The following ADGRG5 variants were observed in gnomAD, a reference collection of about 807,000 sequenced individuals.
ADGRG5 encodes the protein G protein-coupled receptor 114.
A neutral mutation model predicts 53.2 loss-of-function variants in ADGRG5; 37 were observed. The observed-to-expected ratio is 0.70, with a 90% CI of 0.53 to 0.91. ADGRG5 has a LOEUF of 0.91. ADGRG5 is among the 40% of genes least tolerant of loss of function. The probability of loss-of-function intolerance (pLI) is 0.00; values close to 1 mark genes in which losing one functional copy is unlikely to be tolerated. For missense variants in ADGRG5, 614 were observed against 675.8 expected, an observed-to-expected ratio of 0.91 and a Z score of 1.01; for synonymous variants, 277 against 290.4, an observed-to-expected ratio of 0.95 and a Z score of 0.47.
intron 11 of ADGRG5, 131 bp downstream of exon 11, chr16:57,575,223 C>A: frequency 9.0e-7 from 1 of 1,106,984 alleles, no homozygotes. Context: ...GCTCCACTAG[C>A]TAAGCTGGTG....
intron 1 of ADGRG5, among the ~76,000 whole-genome samples, chr16:57,561,116 T>C (rs1427983859): frequency 1.3e-5 from 2 of 152,204 alleles, no homozygotes; most frequent in Admixed American, 1.3e-4. Context: ...TCATCCCCTC[T>C]TCAGAGGTTA....
chr16:57,536,630 AG>A, the ADGRG5 span: 1 of 151,356 alleles, frequency 6.6e-6, no homozygotes, highest in South Asian at 2.1e-4. Context: ...TCCCGGGGGG[AG>A]GGGAAGCAGG....
chr16:57,565,354 C>T, intron 6 of ADGRG5: 1 of 585,144 alleles, frequency 1.7e-6, no homozygotes, highest in East Asian at 2.8e-5. Flanking sequence ...TAAGAAAAGA[C>T]CACTTCAAGC....
chr16:57,562,019 C>T (rs1449645451), intron 1 of ADGRG5, 37 bp from the exon 2 acceptor site: 5 of 1,297,998 alleles, frequency 3.9e-6, no homozygotes, highest in Non-Finnish European at 4.2e-6. Context: ...AGAGGTTGCT[C>T]TTTTATCATC....
chr16:57,565,006 C>A (rs569756764), intron 5 of ADGRG5, 28 bp from the exon 6 acceptor site: 16 of 1,416,460 alleles, frequency 1.1e-5, no homozygotes, highest in Admixed American at 1.7e-5. Context: ...TTCCCCTCCA[C>A]TCAGCCCTTC....
chr16:57,535,556 C>G, the ADGRG5 span, among the ~76,000 whole-genome samples: 1 of 152,116 alleles, frequency 6.6e-6, no homozygotes, highest in Non-Finnish European at 1.5e-5. Flanking sequence ...ACGATGGGGT[C>G]TGCAGGCACC....
At position 57,575,779 on chromosome 16, in the gene ADGRG5, G is replaced by A. The variant is rs867406311; in HGVS notation, c.*241G>A. 8 of 502,830 alleles carry A rather than the reference G, an allele frequency of 1.6e-5. No individual in the cohort carries two copies. The highest frequency in any genetic ancestry group is 9.6e-5 in the African/African-American group (5 of 51,906). 31.1% of individuals were successfully genotyped at this position (502,830 alleles called of 1,614,324 possible). A position where few individuals can be genotyped will look rare whatever the true frequency, so the allele number is the denominator to read the frequency against. ...ACCTGGGGCAGCAAACTTTGTCCTG[G>A]TACCTGGGCCCAGCTCGCCAGGGAT... On this transcript the variant is annotated 3_prime_UTR_variant, in exon 12 of 12. Coordinates refer to ENST00000349457, the MANE Select transcript of ADGRG5 (RefSeq NM_001304376.3).
At chr16:57,567,212 CAA>C (rs1219037316) in intron 7 of ADGRG5, among the ~76,000 whole-genome samples, 1 of 152,152 alleles carries the variant, frequency 6.6e-6, no homozygotes, top group Non-Finnish European at 1.5e-5. Flanking sequence ...CCTTTCTGCA[CAA>C]AGAGGGCAAA....
chr16:57,540,853 C>T (rs1414186106), upstream of ADGRG5, among the ~76,000 whole-genome samples: 2 of 152,070 alleles, frequency 1.3e-5, no homozygotes, highest in African/African-American at 2.4e-5. Flanking sequence ...TGCAGTGGTG[C>T]GATCTCGGCT....
intron 9 of ADGRG5, 116 bp downstream of exon 9, chr16:57,568,240 C>T: frequency 3.0e-6 from 3 of 999,324 alleles, no homozygotes; most frequent in Non-Finnish European, 3.0e-6. Context: ...ACATGACCAC[C>T]AGCTGTGAAC....
chr16:57,531,210 T>C, the ADGRG5 span, among the ~76,000 whole-genome samples: 1 of 151,956 alleles, frequency 6.6e-6, no homozygotes, highest in Admixed American at 6.6e-5. Flanking sequence ...TTGGTTAAAA[T>C]AGAACTTGCT....
intron 1 of ADGRG5, among the ~76,000 whole-genome samples, chr16:57,550,853 C>A (rs1408150446): frequency 1.3e-5 from 2 of 152,192 alleles, no homozygotes; most frequent in Non-Finnish European, 1.5e-5. Flanking sequence ...CATGGTGAAA[C>A]CCCATCTCTA....
upstream of ADGRG5, among the ~76,000 whole-genome samples, chr16:57,541,601 G>A (rs1435583260): frequency 6.6e-6 from 1 of 152,172 alleles, no homozygotes; most frequent in Non-Finnish European, 1.5e-5. Context: ...ATGCGGGAAG[G>A]GCCCCAGTGA....
chr16:57,569,509 A>T (rs189334248), intron 9 of ADGRG5, among the ~76,000 whole-genome samples: 3 of 151,158 alleles, frequency 2.0e-5, no homozygotes, highest in African/African-American at 7.3e-5. Context: ...CTCCACCTCC[A>T]TCATCACCAT....
the ADGRG5 span, among the ~76,000 whole-genome samples, chr16:57,537,008 C>T: frequency 9.2e-5 from 14 of 152,198 alleles, no homozygotes; most frequent in Admixed American, 9.2e-4. Context: ...AGTGGGCCAA[C>T]AAGTCTGTGC....
the ADGRG5 span, among the ~76,000 whole-genome samples, chr16:57,533,299 G>A: frequency 3.3e-4 from 50 of 152,144 alleles, no homozygotes; most frequent in Middle Eastern, 6.8e-3. Context: ...GGGGGTCGGG[G>A]TCCTCAGGGG....
At chr16:57,541,275 T>C (rs2032485330), upstream of ADGRG5, among the ~76,000 whole-genome samples, 1 of 152,188 alleles carries the variant, frequency 6.6e-6, no homozygotes, top group Non-Finnish European at 1.5e-5. Flanking sequence ...GAATAGCCAG[T>C]TGGGCTCACA....
chr16:57,534,690 CTCT>C, the ADGRG5 span, among the ~76,000 whole-genome samples: 1 of 152,108 alleles, frequency 6.6e-6, no homozygotes, highest in African/African-American at 2.4e-5. Flanking sequence ...GGTGGTACCA[CTCT>C]TAGGGGTACC....
At chr16:57,557,602 A>G (rs1339821529) in intron 1 of ADGRG5, among the ~76,000 whole-genome samples, 2 of 152,030 alleles carry the variant, frequency 1.3e-5, no homozygotes, top group Non-Finnish European at 2.9e-5. Context: ...CTAGGATTCC[A>G]GTTACATATA....
Sources: gnomAD v4.1 joint callset for allele counts (sites outside exome capture counted in the v4.1 genomes callset) on GRCh38, gnomAD v4.1.1 for gene constraint, MANE v1.5 for transcripts, NCBI Gene and HGNC (gene_info 2026-07-23, HGNC 2026-07-21) for gene names.